The following MGAT4C variants were observed in gnomAD, a reference collection of about 807,000 sequenced individuals.
The protein encoded by MGAT4C is MGAT4 family member C.
MGAT4C carries 19 observed loss-of-function variants against 40.1 expected under a neutral mutation model. That is an observed-to-expected ratio of 0.47 (90% CI 0.33 to 0.70). The LOEUF (loss-of-function observed/expected upper bound fraction) is 0.70. MGAT4C is among the 30% of genes least tolerant of loss of function. MGAT4C has a pLI of 0.02. For synonymous variants in MGAT4C, 181 were observed against 187.1 expected, an observed-to-expected ratio of 0.97 and a Z score of 0.27; for missense variants, 491 against 563.2, an observed-to-expected ratio of 0.87 and a Z score of 1.30.
rs118180587 is a variant in MGAT4C at position 86,062,226 on chromosome 12, G to A, written c.-56-12503C>T. On this transcript the variant is annotated intron_variant, in intron 1 of 4. Coordinates refer to ENST00000611864, the MANE Select transcript of MGAT4C (RefSeq NM_001351288.2). ...CTGCAGCCACCGCTGGTGATACCCC[G>A]GCAAACACGGTCTGGAATGGCCCTC... is the stretch of plus-strand genomic sequence containing the variant. Among the ~76,000 whole-genome samples, 1,126 of 152,214 alleles carry A rather than the reference G, an allele frequency of 7.4e-3. 10 individuals carry two copies. The highest frequency in any genetic ancestry group is 0.011 in the Non-Finnish European group (759 of 68,020).
chr12:86,388,180 C>G (rs773723635), intron 3 of MGAT4C, among the ~76,000 whole-genome samples: 1 of 152,006 alleles, frequency 6.6e-6, no homozygotes, highest in South Asian at 2.1e-4. Flanking sequence ...CTCATTCTAT[C>G]AGGAAGATGT....
intron 1 of MGAT4C, among the ~76,000 whole-genome samples, chr12:86,170,609 T>A (rs1049491369): frequency 4.6e-5 from 7 of 152,170 alleles, no homozygotes; most frequent in African/African-American, 1.4e-4. Flanking sequence ...TTAAATAAAT[T>A]AATTTTCCAA....
intron 2 of MGAT4C, among the ~76,000 whole-genome samples, chr12:86,560,067 T>C (rs2136407383): frequency 6.6e-6 from 1 of 152,054 alleles, no homozygotes; most frequent in East Asian, 1.9e-4. Context: ...GACAAGTTGC[T>C]GGACACATAA....
chr12:86,360,840 T>C (rs1025393934), intron 3 of MGAT4C, among the ~76,000 whole-genome samples: 1 of 150,882 alleles, frequency 6.6e-6, no homozygotes, highest in African/African-American at 2.4e-5. Flanking sequence ...TAAAAGAGGA[T>C]ACAAACAAAT....
intron 1 of MGAT4C, among the ~76,000 whole-genome samples, chr12:86,746,538 G>A (rs1166931035): frequency 6.6e-6 from 1 of 151,650 alleles, no homozygotes; most frequent in African/African-American, 2.4e-5. Context: ...ACCCCCAAAT[G>A]TTCCTGAGAA....
Position 85,980,157 on chromosome 12 carries a change from T to C in MGAT4C, c.569A>G (p.Asn190Ser), listed in dbSNP as rs141672136. ...AAATTTGACTCTATCTTCTGGATCA[T>C]TGTAATTTCTTTTAAGGCCATCTAG... ...PILDGLKRNY[N>S]DPEDRVKFRS... is the part of the protein sequence containing the mutation. Residue 190 changes from asparagine to serine, a missense_variant, in exon 5 of 5, where the codon AAT becomes AGT. Asn to Ser is a conservative substitution (Grantham distance 46). Transcript: ENST00000611864. 5.0e-6 allele frequency: 8 copies of C among 1,613,906 alleles called. No individual in the cohort carries two copies. Among genetic ancestry groups the C allele is most frequent in the Non-Finnish European group, 6.8e-6 (8 of 1,179,914 alleles).
At chr12:86,760,046 A>G (rs1951374152) in intron 1 of MGAT4C, among the ~76,000 whole-genome samples, 1 of 152,186 alleles carries the variant, frequency 6.6e-6, no homozygotes, top group African/African-American at 2.4e-5. Context: ...CATAATGATG[A>G]AAACAGCATG....
chr12:86,509,768 G>T (rs1042438904), intron 2 of MGAT4C, among the ~76,000 whole-genome samples: 117 of 152,170 alleles, frequency 7.7e-4, no homozygotes, highest in African/African-American at 2.6e-3. Flanking sequence ...CCTTGAAGAG[G>T]TCCTTCACAT....
chr12:86,133,270 G>A (rs7957457), intron 1 of MGAT4C, among the ~76,000 whole-genome samples: 17,111 of 152,266 alleles, frequency 0.11, 2,071 homozygotes, highest in African/African-American at 0.3. Context: ...AAGGTTTAGA[G>A]CGTAGAGAGT....
intron 1 of MGAT4C, among the ~76,000 whole-genome samples, chr12:86,206,275 T>C (rs1256494051): frequency 6.6e-6 from 1 of 152,158 alleles, no homozygotes; most frequent in African/African-American, 2.4e-5. Context: ...GGACAGAGAA[T>C]GTAAAAGGAA....
intron 4 of MGAT4C, among the ~76,000 whole-genome samples, chr12:86,275,475 T>G (rs910266069): frequency 1.3e-5 from 2 of 152,160 alleles, no homozygotes; most frequent in Non-Finnish European, 2.9e-5. Context: ...CCCCCGAAGA[T>G]GTCCATGTCT....
chr12:86,313,462 G>T (rs1954127458), intron 4 of MGAT4C, among the ~76,000 whole-genome samples: 1 of 152,158 alleles, frequency 6.6e-6, no homozygotes, highest in African/African-American at 2.4e-5. Flanking sequence ...TAGTGTCGAA[G>T]TCAGTTGATC....
chr12:86,402,436 AT>A (rs756733604), intron 3 of MGAT4C, among the ~76,000 whole-genome samples: 2 of 152,172 alleles, frequency 1.3e-5, no homozygotes, highest in Admixed American at 6.5e-5. Flanking sequence ...TTCAAAAAAA[AT>A]AATAATAATA....
chr12:86,214,549 C>T (rs1020125087), intron 1 of MGAT4C, among the ~76,000 whole-genome samples: 30 of 152,112 alleles, frequency 2.0e-4, no homozygotes, highest in African/African-American at 7.2e-4. Context: ...GATCAAGGTG[C>T]TAGCTTATTT....
chr12:86,590,995 A>G (rs1961307563), intron 2 of MGAT4C, among the ~76,000 whole-genome samples: 2 of 151,986 alleles, frequency 1.3e-5, no homozygotes, highest in African/African-American at 2.4e-5. Context: ...TTAACTTTAT[A>G]TCTATTTCTT....
intron 1 of MGAT4C, among the ~76,000 whole-genome samples, chr12:86,184,116 T>C (rs1464744104): frequency 6.6e-6 from 1 of 152,230 alleles, no homozygotes; most frequent in Non-Finnish European, 1.5e-5. Context: ...TTAGGTATTT[T>C]GTTGTAGCAT....
chr12:86,528,259 T>C lies in MGAT4C; in HGVS notation c.-228-92994A>G, dbSNP rs952407015. 9.2e-5 allele frequency among the ~76,000 whole-genome samples: 14 copies of C among 152,218 alleles called. No homozygotes were observed. The East Asian group carries it at 2.3e-3, about 25-fold the overall frequency. ...TATGATGTTGTGAGTGAAGTAATTA[T>C]AATGTTGGTCTCAAGCTTGCATGGC... On this transcript the variant is annotated intron_variant, in intron 2 of 7. Coordinates refer to the MGAT4C transcript ENST00000548651.
intron 1 of MGAT4C, among the ~76,000 whole-genome samples, chr12:86,796,414 C>A (rs948877090): frequency 6.6e-6 from 1 of 151,910 alleles, no homozygotes; most frequent in African/African-American, 2.4e-5. Flanking sequence ...TCATTTTTGA[C>A]AACATGGATG....
chr12:86,605,375 A>G (rs1020201593), intron 2 of MGAT4C, among the ~76,000 whole-genome samples: 1 of 151,956 alleles, frequency 6.6e-6, no homozygotes, highest in Non-Finnish European at 1.5e-5. Context: ...CCGTTTACTG[A>G]GTAGATTTTT....
Sources: gnomAD v4.1 joint callset for allele counts (sites outside exome capture counted in the v4.1 genomes callset) on GRCh38, gnomAD v4.1.1 for gene constraint, MANE v1.5 for transcripts, NCBI Gene and HGNC (gene_info 2026-07-23, HGNC 2026-07-21) for gene names.